The following ROBO1 variants were observed in gnomAD, a reference collection of about 807,000 sequenced individuals.
The protein encoded by ROBO1 is roundabout guidance receptor 1.
ROBO1 carries 149 observed loss-of-function variants against 195.9 expected under a neutral mutation model. The observed-to-expected ratio is 0.76, with a 90% CI of 0.67 to 0.87. The LOEUF is 0.87. Ranked by LOEUF, ROBO1 falls within the 40% of genes least tolerant of loss-of-function variation. The pLI, the probability that ROBO1 is intolerant of heterozygous loss-of-function variation, is 0.00. For synonymous variants in ROBO1, 816 were observed against 733.2 expected (o/e 1.11, Z -1.82); for missense variants, 1,933 against 2,068.3 (o/e 0.93, Z 1.27).
intron 2 of ROBO1, among the ~76,000 whole-genome samples, chr3:79,501,474 T>C (rs560280064): frequency 6.6e-6 from 1 of 152,318 alleles, no homozygotes; most frequent in African/African-American, 2.4e-5. Flanking sequence ...AAGCTAGTAA[T>C]GGTGATGACC....
chr3:79,649,289 T>C (rs1222420860), intron 1 of ROBO1, among the ~76,000 whole-genome samples: 7 of 152,010 alleles, frequency 4.6e-5, no homozygotes, highest in Non-Finnish European at 7.4e-5. Context: ...GTTGAACACA[T>C]AACAATTGTC....
At chr3:79,533,853 A>G (rs1941751699) in intron 2 of ROBO1, among the ~76,000 whole-genome samples, 1 of 152,138 alleles carries the variant, frequency 6.6e-6, no homozygotes, top group African/African-American at 2.4e-5. Flanking sequence ...AGTGGTAAGC[A>G]GAAAGATGTC....
In ROBO1 at chr3:79,434,383, A is replaced by T. The variant is rs144900354; in HGVS notation, c.88+155441T>A. Among the ~76,000 whole-genome samples, 870 of 152,316 alleles carry T rather than the reference A, an allele frequency of 5.7e-3. 21 individuals carry two copies. Among genetic ancestry groups the T allele is most frequent in the Admixed American group, 0.053 (805 of 15,292 alleles). ...ACAAATTCACAAGAAAAAAGTAAAC[A>T]ACACCTTCAAAAAGTGGGTGAAGGA... On this transcript the variant is annotated intron_variant, in intron 2 of 30. Transcript: ENST00000464233.
At chr3:79,094,571 C>T (rs762005375) in intron 3 of ROBO1, among the ~76,000 whole-genome samples, 12 of 151,956 alleles carry the variant, frequency 7.9e-5, no homozygotes, top group South Asian at 4.2e-4. Context: ...ATGAGATTGC[C>T]GAAGGCATTA....
At chr3:78,984,027 C>T (rs1374491388) in intron 3 of ROBO1, among the ~76,000 whole-genome samples, 1 of 152,118 alleles carries the variant, frequency 6.6e-6, no homozygotes, top group East Asian at 1.9e-4. Flanking sequence ...TCCATGAATC[C>T]ATGCTATCCA....
At chr3:78,685,357 A>C (rs2081028340) in intron 10 of ROBO1, among the ~76,000 whole-genome samples, 1 of 152,128 alleles carries the variant, frequency 6.6e-6, no homozygotes, top group African/African-American at 2.4e-5. Context: ...ATAAGTTGTG[A>C]GCTGTTAGGT....
chr3:79,750,655 C>T (rs1043840236), intron 1 of ROBO1, among the ~76,000 whole-genome samples: 16 of 152,142 alleles, frequency 1.1e-4, no homozygotes, highest in African/African-American at 3.9e-4. Flanking sequence ...TGGGAGTTTG[C>T]CTGCACAAGC....
At chr3:79,714,821 G>T (rs1253455677) in intron 1 of ROBO1, among the ~76,000 whole-genome samples, 1 of 143,768 alleles carries the variant, frequency 7.0e-6, no homozygotes, top group East Asian at 2.0e-4. Flanking sequence ...GCACAGAAAG[G>T]GGAACATCAC....
chr3:79,658,616 A>G (rs1159360742), intron 1 of ROBO1, among the ~76,000 whole-genome samples: 2 of 152,222 alleles, frequency 1.3e-5, no homozygotes, highest in East Asian at 3.9e-4. Flanking sequence ...GATACATAGT[A>G]GGCATGTATT....
chr3:79,478,810 T>C (rs1170527801), intron 2 of ROBO1, among the ~76,000 whole-genome samples: 3 of 152,212 alleles, frequency 2.0e-5, no homozygotes, highest in Non-Finnish European at 2.9e-5. Context: ...AGGCTTTCTC[T>C]GACCCATGCG....
At chr3:79,457,769 T>C (rs1406251294) in intron 2 of ROBO1, among the ~76,000 whole-genome samples, 4 of 152,164 alleles carry the variant, frequency 2.6e-5, no homozygotes, top group Admixed American at 6.5e-5. Flanking sequence ...CCTTCCACCA[T>C]GATTGTGAGG....
At chr3:79,538,125 C>T (rs1253259455) in intron 2 of ROBO1, among the ~76,000 whole-genome samples, 1 of 152,036 alleles carries the variant, frequency 6.6e-6, no homozygotes, top group African/African-American at 2.4e-5. Flanking sequence ...CGAATAATAG[C>T]CCGACATTAC....
In ROBO1 at chr3:78,606,951, G is replaced by A. The variant is rs1703496723; in HGVS notation, c.4526C>T (p.Pro1509Leu). Residue 1509 changes from proline to leucine, a missense_variant, in exon 29 of 31, where the codon CCA becomes CTA. This residue lies in a region of ROBO1 where 1,737 missense variants were observed against 1,882.5 expected (regional missense o/e 0.92). Transcript: ENST00000464233. ...TCTTGCATCCATAGAAGGGAGTTTTGGCACCACTACAGGTCGTACTTCCAG... is the reference window on the plus strand; with the variant it reads ...TCTTGCATCCATAGAAGGGAGTTTTAGCACCACTACAGGTCGTACTTCCAG... Reference protein sequence around the residue: ...TQLEVRPVVVPKLPSMDARTD... With the variant: ...TQLEVRPVVVLKLPSMDARTD... 6.2e-7 allele frequency: 1 copy of A among 1,613,540 alleles called. No homozygotes were observed. Among genetic ancestry groups the A allele is most frequent in the South Asian group, 1.1e-5 (1 of 91,070 alleles).
intron 2 of ROBO1, among the ~76,000 whole-genome samples, chr3:79,388,089 T>G (rs187187869): frequency 6.6e-6 from 1 of 152,286 alleles, no homozygotes; most frequent in Admixed American, 6.5e-5. Context: ...ATTATCAATG[T>G]CATCTTTTGA....
intron 4 of ROBO1, among the ~76,000 whole-genome samples, chr3:78,923,088 A>AT (rs560552087): frequency 1.4e-4 from 22 of 152,204 alleles, no homozygotes; most frequent in Non-Finnish European, 2.5e-4. Context: ...GCAAGATAAC[A>AT]TATAGCATTG....
rs188333817 is a variant in ROBO1, at chr3:79,671,290, C to A, written c.-50-81329G>T. 4.1e-3 allele frequency among the ~76,000 whole-genome samples: 627 copies of A among 151,948 alleles called. 8 individuals carry two copies. Among genetic ancestry groups the A allele is most frequent in the African/African-American group, 0.014 (601 of 41,506 alleles). ...ATCAAAGAAAATGTGGAAATTAATT[C>A]TCTTTTAAATAGAAATCTTCTGCAT... On this transcript the variant is annotated intron_variant, in intron 1 of 30. Transcript: ENST00000464233.
chr3:78,674,613 G>A (rs1455549506), intron 10 of ROBO1, among the ~76,000 whole-genome samples: 1 of 152,134 alleles, frequency 6.6e-6, no homozygotes, highest in Non-Finnish European at 1.5e-5. Context: ...GTGTTGAACT[G>A]GCTAGTAGGG....
chr3:78,633,875 T>G (rs897115800), intron 24 of ROBO1, 60 bp downstream of exon 24: 6 of 1,153,534 alleles, frequency 5.2e-6, no homozygotes, highest in South Asian at 4.0e-5. Flanking sequence ...AGCACTCAAT[T>G]TGTAATCTTG....
At chr3:78,990,023 T>C (rs2108049628) in intron 3 of ROBO1, among the ~76,000 whole-genome samples, 1 of 152,178 alleles carries the variant, frequency 6.6e-6, no homozygotes, top group South Asian at 2.1e-4. Flanking sequence ...TACACCTTAG[T>C]GGTGTTTAAT....
Sources: allele counts gnomAD v4.1 joint callset (sites outside exome capture counted in the v4.1 genomes callset), GRCh38; gene constraint gnomAD v4.1.1; regional missense constraint gnomAD v4.1.1; transcripts MANE v1.5; gene names NCBI Gene and HGNC (gene_info 2026-07-23, HGNC 2026-07-21).